Variants in EPB41L3 observed in about 807,000 individuals in gnomAD.
The protein encoded by EPB41L3 is band 4.1-like protein 3.
EPB41L3 carries 57 observed loss-of-function variants against 127.1 expected under a neutral mutation model. The observed-to-expected ratio is 0.45, with a 90% CI of 0.36 to 0.56. EPB41L3 has a LOEUF of 0.56. EPB41L3 is among the 20% of genes least tolerant of loss of function. The pLI is 0.00. For missense variants in EPB41L3, 1,273 were observed against 1,372.2 expected (o/e 0.93, Z 1.14); for synonymous variants, 572 against 549.5 (o/e 1.04, Z -0.57).
Position 5,445,169 on chromosome 18 carries a change from G to A in EPB41L3, c.457C>T (p.Leu153Phe), listed in dbSNP as rs1040973290. ...TGGTTTTCAGCATCTCGATACGTAAGCCCAAAGTAGTCTTTCTCTAGCAAG... is the reference window on the plus strand; with the variant it reads ...TGGTTTTCAGCATCTCGATACGTAAACCCAAAGTAGTCTTTCTCTAGCAAG... ...LNLLEKDYFGLTYRDAENQKN... is the reference protein window; with the variant it reads ...LNLLEKDYFGFTYRDAENQKN... Residue 153 changes from leucine (L) to phenylalanine (F), a missense_variant, in exon 4 of 23, where the codon CTT becomes TTT. Physicochemically the swap from Leu to Phe is conservative, Grantham distance 22. Around this residue, in one of 3 missense-constraint regions of EPB41L3, gnomAD observed 326 missense variants for 440.2 expected, o/e 0.74. Coordinates refer to ENST00000341928, the MANE Select transcript of EPB41L3 (RefSeq NM_012307.5). The A allele has an allele frequency of 6.2e-7, 1 of 1,614,040 alleles. No individual in the cohort carries two copies. Among genetic ancestry groups the A allele is most frequent in the Non-Finnish European group, 8.5e-7 (1 of 1,179,990 alleles).
At chr18:5,426,202 A>T (rs2078154150) in intron 9 of EPB41L3, among the ~76,000 whole-genome samples, 1 of 152,186 alleles carries the variant, frequency 6.6e-6, no homozygotes. Context: ...AATAAAATAT[A>T]TACAGTTGAT....
chr18:5,526,680 G>T (rs553304025), intron 1 of EPB41L3, among the ~76,000 whole-genome samples: 1 of 152,148 alleles, frequency 6.6e-6, no homozygotes, highest in East Asian at 1.9e-4. Flanking sequence ...TAAAAAAATA[G>T]AAATAAGCCA....
intron 1 of EPB41L3, among the ~76,000 whole-genome samples, chr18:5,494,762 C>T (rs1254653186): frequency 3.3e-5 from 5 of 150,994 alleles, no homozygotes; most frequent in African/African-American, 1.2e-4. Context: ...TGGAGGATCG[C>T]ATGCACTTAC....
rs577167079 is a variant in EPB41L3 at position 5,471,648 on chromosome 18, G to A, written c.381+6593C>T. On this transcript the variant is annotated intron_variant, in intron 3 of 22. Coordinates refer to ENST00000341928, the MANE Select transcript of EPB41L3 (RefSeq NM_012307.5). Reference sequence around the variant, plus strand: ...AGATACTGTCCTCTGAAACAGGCAAGACGATGGAGCAGAGCGTTTACCTGT... The same window carrying A: ...AGATACTGTCCTCTGAAACAGGCAAAACGATGGAGCAGAGCGTTTACCTGT... Among the ~76,000 whole-genome samples, 23 of 152,280 alleles carry A rather than the reference G, an allele frequency of 1.5e-4. 1 individual carries two copies. The East Asian group carries it at 4.4e-3, about 29-fold the overall frequency.
chr18:5,511,599 C>T (rs1264055753), intron 1 of EPB41L3, among the ~76,000 whole-genome samples: 1 of 151,924 alleles, frequency 6.6e-6, no homozygotes, highest in Non-Finnish European at 1.5e-5. Flanking sequence ...TTATTTTTTA[C>T]ATTTACCATA....
At chr18:5,571,812 C>T (rs980601522) in intron 3 of EPB41L3, among the ~76,000 whole-genome samples, 2 of 150,732 alleles carry the variant, frequency 1.3e-5, no homozygotes, top group African/African-American at 4.9e-5. Flanking sequence ...CAACACTGCA[C>T]TCCAAGTTTC....
chr18:5,619,092 C>A (rs1489141721), intron 1 of EPB41L3, among the ~76,000 whole-genome samples: 1 of 152,040 alleles, frequency 6.6e-6, no homozygotes, highest in Non-Finnish European at 1.5e-5. Context: ...TGAACCCCTA[C>A]TGTGTGATGT....
At chr18:5,573,635 A>G (rs1472659259) in intron 3 of EPB41L3, among the ~76,000 whole-genome samples, 2 of 152,194 alleles carry the variant, frequency 1.3e-5, no homozygotes, top group Non-Finnish European at 2.9e-5. Context: ...TTCAAAGACT[A>G]GCAGGCACCT....
chr18:5,399,061 T>A, intron 16 of EPB41L3: 1 of 399,122 alleles, frequency 2.5e-6, no homozygotes, highest in East Asian at 3.6e-5. Context: ...TCTTTCTCCA[T>A]TTTCTGAAGT....
At position 5,610,297 on chromosome 18, in the gene EPB41L3, C is replaced by T. The variant is rs181852832; in HGVS notation, c.-306+2043G>A. Reference sequence around the variant, plus strand: ...GTTCAACAACTGATGCTACCTTATCCCATTCTGAGCACGAGAATGACACTT... The same window carrying T: ...GTTCAACAACTGATGCTACCTTATCTCATTCTGAGCACGAGAATGACACTT... On this transcript the variant is annotated intron_variant, in intron 3 of 21. Transcript: ENST00000545076. 19 of 985,348 alleles carry T rather than the reference C, an allele frequency of 1.9e-5. No individual in the cohort carries two copies. In the African/African-American group the frequency reaches 2.8e-4, roughly 14 times the overall value. The allele number at this position is 985,348 out of a possible 1,614,324, so 61.0% of individuals were successfully genotyped here.
intron 18 of EPB41L3, among the ~76,000 whole-genome samples, 164 bp from the exon 19 acceptor site, chr18:5,396,496 T>C: frequency 6.6e-6 from 1 of 151,440 alleles, no homozygotes; most frequent in Middle Eastern, 3.4e-3. Flanking sequence ...CATGTCAGTC[T>C]CCTGGACTCT....
chr18:5,439,046 A>C (rs1268208427), intron 5 of EPB41L3, among the ~76,000 whole-genome samples: 1 of 152,004 alleles, frequency 6.6e-6, no homozygotes, highest in Non-Finnish European at 1.5e-5. Context: ...TCCGGCCTTC[A>C]AATGCAGTAA....
chr18:5,562,918 A>C (rs1238091211), intron 3 of EPB41L3, among the ~76,000 whole-genome samples: 1 of 152,238 alleles, frequency 6.6e-6, no homozygotes, highest in Non-Finnish European at 1.5e-5. Context: ...AGATGAAATA[A>C]AAGTGTGGGT....
At chr18:5,604,854 T>G (rs999658651) in intron 3 of EPB41L3, among the ~76,000 whole-genome samples, 2 of 152,198 alleles carry the variant, frequency 1.3e-5, no homozygotes, top group Non-Finnish European at 2.9e-5. Flanking sequence ...TTTGCTTTTT[T>G]TCAGCTAATT....
chr18:5,508,583 T>C (rs547498834), intron 1 of EPB41L3, among the ~76,000 whole-genome samples: 1 of 151,910 alleles, frequency 6.6e-6, no homozygotes, highest in Admixed American at 6.6e-5. Context: ...CTGGCCAACA[T>C]GGTGAAACCC....
chr18:5,622,694 G>A (rs2094877100), intron 1 of EPB41L3, among the ~76,000 whole-genome samples: 1 of 152,144 alleles, frequency 6.6e-6, no homozygotes, highest in Admixed American at 6.6e-5. Flanking sequence ...GTTTTAATTT[G>A]TAGCAGCAAC....
chr18:5,448,958 TTTTC>T (rs1387999628), intron 3 of EPB41L3, among the ~76,000 whole-genome samples: 1 of 152,210 alleles, frequency 6.6e-6, no homozygotes, highest in Non-Finnish European at 1.5e-5. Flanking sequence ...TTTTTACATT[TTTTC>T]TTTAATTAAA....
intron 3 of EPB41L3, among the ~76,000 whole-genome samples, chr18:5,459,512 G>C (rs2083619824): frequency 2.0e-5 from 3 of 151,614 alleles, no homozygotes; most frequent in Admixed American, 1.3e-4. Context: ...CTATAACCTT[G>C]GTAGCTGTTT....
chr18:5,548,808 G>C (rs1361616401), upstream of EPB41L3, among the ~76,000 whole-genome samples: 1 of 152,160 alleles, frequency 6.6e-6, no homozygotes, highest in Non-Finnish European at 1.5e-5. Context: ...ATATGGAATG[G>C]TAAAATATGA....
Sources: allele counts gnomAD v4.1 joint callset (sites outside exome capture counted in the v4.1 genomes callset), GRCh38; gene constraint gnomAD v4.1.1; regional missense constraint gnomAD v4.1.1; transcripts MANE v1.5; gene names NCBI Gene and HGNC (gene_info 2026-07-23, HGNC 2026-07-21).